Variants in CNNM2 observed in about 807,000 individuals in gnomAD.
CNNM2 encodes the protein metal transporter CNNM2.
Under a neutral mutation model 66.9 loss-of-function variants are expected in CNNM2, and 12 were observed. The observed-to-expected ratio is 0.18, with a 90% CI of 0.11 to 0.29. The LOEUF (loss-of-function observed/expected upper bound fraction) is 0.29, where lower values mean the gene tolerates loss of function less well. Ranked by LOEUF, CNNM2 falls within the 10% of genes least tolerant of loss-of-function variation. CNNM2 has a pLI of 1.00. For synonymous variants in CNNM2, 557 were observed against 501.8 expected, an observed-to-expected ratio of 1.11 and a Z score of -1.47; for missense variants, 705 against 1,167.7, an observed-to-expected ratio of 0.60 and a Z score of 5.77.
chr10:102,935,417 C>CACCTCTGCA (rs1846202258), intron 1 of CNNM2, among the ~76,000 whole-genome samples: 1 of 151,962 alleles, frequency 6.6e-6, no homozygotes, highest in African/African-American at 2.4e-5. Context: ...GCTGTGATCA[C>CACCTCTGCA]ACCTCTGCAA....
intron 1 of CNNM2, among the ~76,000 whole-genome samples, chr10:103,022,326 G>A (rs149229989): frequency 6.6e-6 from 1 of 152,286 alleles, no homozygotes; most frequent in African/African-American, 2.4e-5. Context: ...CTTCAAAGCA[G>A]CTCTTTGAGG....
chr10:103,045,085 G>A (rs1217748928), intron 1 of CNNM2, among the ~76,000 whole-genome samples: 2 of 152,126 alleles, frequency 1.3e-5, no homozygotes, highest in African/African-American at 4.8e-5. Context: ...ATCACAAGCT[G>A]GGAATAGCAA....
chr10:103,026,162 C>T (rs11191520), intron 1 of CNNM2, among the ~76,000 whole-genome samples: 2 of 152,206 alleles, frequency 1.3e-5, no homozygotes, highest in Admixed American at 6.5e-5. Context: ...GAAATCTGTT[C>T]TTCATAAATT....
rs753232101 is a variant in CNNM2 at position 102,919,345 on chromosome 10, A to G, written c.865A>G (p.Ile289Val). ...GGCCCTGGACCCGATGGAGCTGCGC[A>G]TCGTGCAGAACTGCGGCACGGAGAA... ...LMALDPMELRIVQNCGTEKEK... is the reference protein window; with the variant it reads ...LMALDPMELRVVQNCGTEKEK... The change falls in exon 1 of 8, where the codon ATC becomes GTC. Residue 289 changes from isoleucine to valine, a missense_variant. Around this residue, in one of 9 missense-constraint regions of CNNM2, gnomAD observed 49 missense variants for 183.7 expected, o/e 0.27. Transcript: ENST00000369878. 1.9e-6 allele frequency: 3 copies of G among 1,613,472 alleles called. No homozygotes were observed. Among genetic ancestry groups the G allele is most frequent in the South Asian group, 2.2e-5 (2 of 91,092 alleles).
At chr10:103,023,078 A>AT (rs1321977234) in intron 1 of CNNM2, among the ~76,000 whole-genome samples, 1 of 151,944 alleles carries the variant, frequency 6.6e-6, no homozygotes, top group East Asian at 1.9e-4. Flanking sequence ...AATTTTTTGT[A>AT]TTTTTTAGTA....
intron 1 of CNNM2, among the ~76,000 whole-genome samples, chr10:102,959,390 G>A (rs1375421986): frequency 6.6e-6 from 1 of 152,106 alleles, no homozygotes; most frequent in Non-Finnish European, 1.5e-5. Flanking sequence ...TCTATATCTG[G>A]AATATTTGCT....
intron 1 of CNNM2, among the ~76,000 whole-genome samples, chr10:103,033,377 A>C (rs1030377361): frequency 6.6e-6 from 1 of 151,956 alleles, no homozygotes; most frequent in Admixed American, 6.6e-5. Flanking sequence ...TTTTTAGTAG[A>C]GACGGGGTTT....
intron 1 of CNNM2, among the ~76,000 whole-genome samples, chr10:103,047,079 C>T (rs936763035): frequency 6.6e-6 from 1 of 152,168 alleles, no homozygotes; most frequent in African/African-American, 2.4e-5. Context: ...GCTTAACTCC[C>T]ACCCTTGTAT....
intron 1 of CNNM2, among the ~76,000 whole-genome samples, chr10:102,989,049 T>C (rs1025425998): frequency 6.6e-6 from 1 of 152,226 alleles, no homozygotes; most frequent in African/African-American, 2.4e-5. Context: ...GAACTTTTGT[T>C]GTTGTTGCTC....
rs562118601 is a variant in CNNM2, at chr10:103,001,948, G to A, written c.1622-47759G>A. On this transcript the variant is annotated intron_variant, in intron 1 of 7. Transcript: ENST00000369878. ...GAGGCAGAGGTTGCAGTGAGCCGAG[G>A]TCCTGCCACTGCGCCCCAGCCTGGG... 2.8e-3 allele frequency among the ~76,000 whole-genome samples: 432 copies of A among 152,182 alleles called. 3 individuals carry two copies. Among genetic ancestry groups the A allele is most frequent in the African/African-American group, 0.01 (416 of 41,544 alleles).
chr10:102,919,906 A>G lies in CNNM2; in HGVS notation c.1426A>G (p.Ser476Gly), dbSNP rs1480873771. Residue 476 changes from serine to glycine, a missense_variant, in exon 1 of 8, where the codon AGC (serine) becomes GGC (glycine). Coordinates refer to ENST00000369878, the MANE Select transcript of CNNM2 (RefSeq NM_017649.5). Reference sequence around the variant, plus strand: ...CAACACCATGTCTGAGATCATGGAGAGCGGCTACACCCGCATTCCAGTGTT... The same window carrying G: ...CAACACCATGTCTGAGATCATGGAGGGCGGCTACACCCGCATTCCAGTGTT... ...DFNTMSEIME[S>G]GYTRIPVFEG... is the part of the protein sequence containing the mutation. The G allele has an allele frequency of 6.2e-7, 1 of 1,614,048 alleles. No individual in the cohort carries two copies. Among genetic ancestry groups the G allele is most frequent in the Non-Finnish European group, 8.5e-7 (1 of 1,180,034 alleles).
intron 1 of CNNM2, among the ~76,000 whole-genome samples, chr10:102,981,428 G>C (rs926545623): frequency 6.6e-6 from 1 of 151,404 alleles, no homozygotes; most frequent in Non-Finnish European, 1.5e-5. Flanking sequence ...CCCACATCAG[G>C]ATCTTTGTTG....
intron 4 of CNNM2, among the ~76,000 whole-genome samples, chr10:103,060,369 C>G (rs2065363630): frequency 6.6e-6 from 1 of 152,178 alleles, no homozygotes; most frequent in African/African-American, 2.4e-5. Context: ...CAAGACCAGC[C>G]TGGGCAATGT....
chr10:102,963,240 T>C (rs1292393600), intron 1 of CNNM2, among the ~76,000 whole-genome samples: 2 of 152,152 alleles, frequency 1.3e-5, no homozygotes, highest in African/African-American at 4.8e-5. Flanking sequence ...GAGAAACCTT[T>C]TAAAAATGGA....
At position 103,083,344 on chromosome 10, in the gene CNNM2, T is replaced by G. The variant is rs1369509022; in HGVS notation, c.*6164T>G. On this transcript the variant is annotated 3_prime_UTR_variant, in exon 8 of 8. Transcript: ENST00000369878. ...ATTTTGTGATTGTTTTACAAGGTTTTTGTTTATTTCTATTCTATTTAGATA... is the reference window on the plus strand; with the variant it reads ...ATTTTGTGATTGTTTTACAAGGTTTGTGTTTATTTCTATTCTATTTAGATA... 6.6e-6 allele frequency: 1 copy of G among 152,202 alleles called. No homozygotes were observed. The highest frequency in any genetic ancestry group is 1.5e-5 in the Non-Finnish European group (1 of 68,042). The allele number at this position is 152,202 out of a possible 1,614,324, so 9.4% of individuals were successfully genotyped here.
intron 1 of CNNM2, among the ~76,000 whole-genome samples, chr10:102,922,560 A>C (rs1430612877): frequency 6.6e-6 from 1 of 152,224 alleles, no homozygotes; most frequent in African/African-American, 2.4e-5. Context: ...CATTTACAAA[A>C]GAAAACCCAA....
At chr10:102,967,339 TA>T (rs776504005) in intron 1 of CNNM2, among the ~76,000 whole-genome samples, 2 of 152,204 alleles carry the variant, frequency 1.3e-5, no homozygotes, top group African/African-American at 2.4e-5. Context: ...CAGTGATTTG[TA>T]AAAGTAAATT....
At chr10:102,922,251 T>C (rs1176532440) in intron 1 of CNNM2, among the ~76,000 whole-genome samples, 1 of 152,194 alleles carries the variant, frequency 6.6e-6, no homozygotes, top group Non-Finnish European at 1.5e-5. Flanking sequence ...ATTTAAGCCA[T>C]GATCTTAAAA....
At chr10:103,015,257 TG>T (rs896041732) in intron 1 of CNNM2, among the ~76,000 whole-genome samples, 5 of 152,166 alleles carry the variant, frequency 3.3e-5, no homozygotes, top group Non-Finnish European at 7.3e-5. Flanking sequence ...TCAATAACTT[TG>T]AGGCTTATTT....
Sources: gnomAD v4.1 joint callset for allele counts (sites outside exome capture counted in the v4.1 genomes callset) on GRCh38, gnomAD v4.1.1 for gene constraint, gnomAD v4.1.1 regional missense constraint, MANE v1.5 for transcripts, NCBI Gene and HGNC (gene_info 2026-07-23, HGNC 2026-07-21) for gene names.